DCLK1: variants seen among roughly 807,000 people sequenced by gnomAD.
The protein encoded by DCLK1 is doublecortin like kinase 1.
In DCLK1, 16 loss-of-function variants were observed where a neutral mutation model predicts 86.2. That is an observed-to-expected ratio of 0.19 (90% CI 0.13 to 0.28). The LOEUF (loss-of-function observed/expected upper bound fraction) is 0.28, where lower values mean the gene tolerates loss of function less well. Ranked by LOEUF, DCLK1 falls within the 10% of genes least tolerant of loss-of-function variation. The probability of loss-of-function intolerance (pLI) is 1.00; values close to 1 mark genes in which losing one functional copy is unlikely to be tolerated. For synonymous variants in DCLK1, 369 were observed against 370.5 expected (o/e 1.00, Z 0.05); for missense variants, 590 against 940.2 (o/e 0.63, Z 4.87).
chr13:35,823,527 G>C (rs966353615), intron 10 of DCLK1, among the ~76,000 whole-genome samples: 1 of 152,098 alleles, frequency 6.6e-6, no homozygotes, highest in Non-Finnish European at 1.5e-5. Flanking sequence ...GGAAGGGGGG[G>C]AAATCTCAAA....
chr13:36,078,828 T>C (rs1194084441), intron 3 of DCLK1, among the ~76,000 whole-genome samples: 1 of 152,182 alleles, frequency 6.6e-6, no homozygotes, highest in Non-Finnish European at 1.5e-5. Flanking sequence ...AATCATTTCC[T>C]ACAAAAAAAA....
At position 35,848,093 on chromosome 13, in the gene DCLK1, G is replaced by A. The variant is rs993855057; in HGVS notation, c.1035+6406C>T. 1.7e-5 allele frequency: 17 copies of A among 985,118 alleles called. No individual in the cohort carries two copies. The South Asian group carries it at 3.3e-4, about 19-fold the overall frequency. The allele number at this position is 985,118 out of a possible 1,614,324, so 61.0% of individuals were successfully genotyped here. On this transcript the variant is annotated intron_variant, in intron 6 of 16. Coordinates refer to ENST00000360631, the MANE Select transcript of DCLK1 (RefSeq NM_001330071.2). ...AAGTGAGTGCAAGTGAAAAAGTATC[G>A]AACTTTGAACTACAGCACGATGTCT... is the stretch of plus-strand genomic sequence containing the variant.
At chr13:35,816,746 C>A (rs1336258214) in intron 11 of DCLK1, among the ~76,000 whole-genome samples, 1 of 152,146 alleles carries the variant, frequency 6.6e-6, no homozygotes, top group Non-Finnish European at 1.5e-5. Flanking sequence ...GTGGTCTAAC[C>A]ACCATTGTGC....
intron 11 of DCLK1, among the ~76,000 whole-genome samples, chr13:35,816,127 A>G (rs1238650076): frequency 6.6e-6 from 1 of 152,204 alleles, no homozygotes; most frequent in Non-Finnish European, 1.5e-5. Context: ...GGAATTATAC[A>G]TCCCAGGATT....
chr13:36,067,456 C>T (rs1231527555), intron 3 of DCLK1, among the ~76,000 whole-genome samples: 2 of 140,458 alleles, frequency 1.4e-5, no homozygotes, highest in Non-Finnish European at 3.1e-5. Flanking sequence ...ATACCTAATG[C>T]TAAATGACGA....
At chr13:35,788,187 A>T (rs1249308421) in intron 16 of DCLK1, 1 of 1,611,338 alleles carries the variant, frequency 6.2e-7, no homozygotes, top group African/African-American at 1.3e-5. Context: ...GGAAACACTG[A>T]CTGTTGAGCT....
intron 3 of DCLK1, among the ~76,000 whole-genome samples, chr13:36,023,901 C>CTTTTTTTTT (rs59071937): frequency 2.3e-5 from 3 of 128,530 alleles, no homozygotes; most frequent in Non-Finnish European, 4.7e-5. Context: ...TTCTTTCTTT[C>CTTTTTTTTT]TTTTTTTTTT....
chr13:36,099,504 G>A (rs554003541), intron 3 of DCLK1, among the ~76,000 whole-genome samples: 1 of 152,148 alleles, frequency 6.6e-6, no homozygotes, highest in East Asian at 1.9e-4. Flanking sequence ...AGTCTGAAAG[G>A]ACTCTTCCCT....
intron 4 of DCLK1, among the ~76,000 whole-genome samples, 161 bp downstream of exon 4, chr13:35,947,197 A>T (rs1484125421): frequency 6.7e-6 from 1 of 150,316 alleles, no homozygotes; most frequent in African/African-American, 2.4e-5. Context: ...TTCCATATTT[A>T]AAAAAAAAAT....
chr13:35,810,698 A>G, intron 12 of DCLK1, 137 bp downstream of exon 12: 1 of 1,152,206 alleles, frequency 8.7e-7, no homozygotes, highest in South Asian at 1.9e-5. Flanking sequence ...AAAGAATAAA[A>G]TACAATTTTA....
At chr13:36,038,634 C>CAGGT (rs1882593758) in intron 3 of DCLK1, among the ~76,000 whole-genome samples, 1 of 152,166 alleles carries the variant, frequency 6.6e-6, no homozygotes, top group Non-Finnish European at 1.5e-5. Flanking sequence ...TGATGCTATT[C>CAGGT]AGGTAGGTGG....
intron 1 of DCLK1, among the ~76,000 whole-genome samples, chr13:36,129,338 C>T (rs997591248): frequency 9.9e-5 from 15 of 152,228 alleles, no homozygotes; most frequent in Admixed American, 2.0e-4. Context: ...AAAAGGTTTA[C>T]TTTGTTTCAT....
intron 3 of DCLK1, among the ~76,000 whole-genome samples, chr13:36,040,181 T>C (rs1029569876): frequency 4.0e-5 from 6 of 151,636 alleles, no homozygotes; most frequent in Non-Finnish European, 8.8e-5. Context: ...ATTTCATTCA[T>C]ATTTTCTTAG....
intron 3 of DCLK1, among the ~76,000 whole-genome samples, chr13:36,040,591 T>G (rs904100947): frequency 3.3e-5 from 5 of 151,774 alleles, no homozygotes; most frequent in Admixed American, 2.6e-4. Flanking sequence ...TTTTCAACTG[T>G]GAAGTTAATC....
chr13:36,119,657 C>T (rs539922278), intron 2 of DCLK1, among the ~76,000 whole-genome samples: 4 of 152,136 alleles, frequency 2.6e-5, no homozygotes, highest in African/African-American at 4.8e-5. Context: ...AATCATCAGA[C>T]AAACCCAAAC....
At chr13:36,020,324 TA>T (rs535105317) in intron 3 of DCLK1, among the ~76,000 whole-genome samples, 3 of 152,268 alleles carry the variant, frequency 2.0e-5, no homozygotes, top group African/African-American at 4.8e-5. Flanking sequence ...GTCATTGAGT[TA>T]AAAAAATATA....
intron 8 of DCLK1, among the ~76,000 whole-genome samples, chr13:35,831,997 CA>C (rs554240422): frequency 6.6e-6 from 1 of 152,080 alleles, no homozygotes; most frequent in South Asian, 2.1e-4. Context: ...GAATGCTTGT[CA>C]AAAAAAGAAA....
At chr13:35,908,457 T>C (rs1203088997) in intron 4 of DCLK1, among the ~76,000 whole-genome samples, 4 of 152,236 alleles carry the variant, frequency 2.6e-5, no homozygotes, top group Non-Finnish European at 4.4e-5. Context: ...TCCTCCAGCC[T>C]TTCTTGTGCT....
At chr13:36,029,936 A>G (rs1049528063) in intron 3 of DCLK1, among the ~76,000 whole-genome samples, 1 of 152,202 alleles carries the variant, frequency 6.6e-6, no homozygotes, top group African/African-American at 2.4e-5. Context: ...AGCAAAAACA[A>G]TTAACCTAAT....
Sources: allele counts gnomAD v4.1 joint callset (sites outside exome capture counted in the v4.1 genomes callset), GRCh38; gene constraint gnomAD v4.1.1; transcripts MANE v1.5; gene names NCBI Gene and HGNC (gene_info 2026-07-23, HGNC 2026-07-21).